TTC27: variants seen among roughly 807,000 people sequenced by gnomAD.
TTC27 encodes tetratricopeptide repeat protein 27.
Under a neutral mutation model 115.9 loss-of-function variants are expected in TTC27, and 79 were observed. That is an observed-to-expected ratio of 0.68 (90% confidence interval 0.57 to 0.82). The LOEUF is 0.82. Ranked by LOEUF, TTC27 falls within the 40% of genes least tolerant of loss-of-function variation. TTC27 has a pLI of 0.00. For missense variants in TTC27, 1,054 were observed against 993.1 expected (o/e 1.06, Z -0.82); for synonymous variants, 401 against 356.0 (o/e 1.13, Z -1.42).
chr2:32,714,652 T>A (rs188291514), intron 10 of TTC27, among the ~76,000 whole-genome samples: 12 of 152,264 alleles, frequency 7.9e-5, no homozygotes, highest in African/African-American at 2.9e-4. Flanking sequence ...TTTAAGTTCT[T>A]TGAGAAATTG....
chr2:32,665,133 C>T (rs1665724528), intron 6 of TTC27, among the ~76,000 whole-genome samples: 1 of 152,092 alleles, frequency 6.6e-6, no homozygotes, highest in South Asian at 2.1e-4. Flanking sequence ...AGGTGTGAGC[C>T]ACCACGCCCA....
intron 13 of TTC27, among the ~76,000 whole-genome samples, chr2:32,769,496 A>G (rs746905351): frequency 1.3e-5 from 2 of 152,212 alleles, no homozygotes; most frequent in Admixed American, 1.3e-4. Context: ...TCAGAGGGGC[A>G]GAAAAGTCAG....
chr2:32,662,423 T>C (rs1665583636), intron 5 of TTC27, among the ~76,000 whole-genome samples: 1 of 152,214 alleles, frequency 6.6e-6, no homozygotes, highest in Non-Finnish European at 1.5e-5. Context: ...TGGTAGGCTA[T>C]AAATTACTGC....
intron 13 of TTC27, among the ~76,000 whole-genome samples, chr2:32,762,336 A>C (rs1669470420): frequency 7.1e-6 from 1 of 141,414 alleles, no homozygotes; most frequent in African/African-American, 2.6e-5. Flanking sequence ...TGTTGGGGGA[A>C]CAGAGGTTTG....
rs74676996 is a variant in TTC27 at position 32,801,196 on chromosome 2, G to A, written c.1999-9828G>A. On this transcript the variant is annotated intron_variant, in intron 16 of 19. Coordinates refer to ENST00000317907, the MANE Select transcript of TTC27 (RefSeq NM_017735.5). ...TAGTCTTTCTGCTTAAAAATGCAAT[G>A]TTAGTTTTCTAGGGCTACAATAACA... Among the ~76,000 whole-genome samples, 1,404 of 152,266 alleles carry A rather than the reference G, an allele frequency of 9.2e-3. 12 individuals carry two copies. Among genetic ancestry groups the A allele is most frequent in the Middle Eastern group, 0.024 (7 of 294 alleles).
chr2:32,736,733 A>T lies in TTC27; in HGVS notation c.1369A>T (p.Ser457Cys). The change falls in exon 12 of 20, where the codon AGT becomes TGT. Residue 457 changes from serine (S) to cysteine (C), a missense_variant. Physicochemically the swap from Ser to Cys is moderately radical, Grantham distance 112. Transcript: ENST00000317907. ...ASLLFELGCT[S>C]SALQIFEKLE... ...TTTGCTCTTTGAGTTGGGATGTACC[A>T]GTTCAGCCCTTCAGATATTTGAAAA... 6.2e-7 allele frequency: 1 copy of T among 1,614,022 alleles called. No homozygotes were observed. The highest frequency in any genetic ancestry group is 8.5e-7 in the Non-Finnish European group (1 of 1,179,898).
intron 16 of TTC27, among the ~76,000 whole-genome samples, chr2:32,797,425 G>T (rs916854995): frequency 6.6e-6 from 1 of 152,138 alleles, no homozygotes; most frequent in Non-Finnish European, 1.5e-5. Context: ...CAGCCTGCCC[G>T]CCTCTGCTTC....
chr2:32,776,550 A>G (rs760009996), intron 13 of TTC27, among the ~76,000 whole-genome samples: 116 of 152,290 alleles, frequency 7.6e-4, no homozygotes, highest in Non-Finnish European at 1.5e-3. Context: ...AAAACAACTC[A>G]TAATAGCTGC....
At chr2:32,699,746 T>C (rs546151032) in intron 9 of TTC27, among the ~76,000 whole-genome samples, 3 of 152,346 alleles carry the variant, frequency 2.0e-5, no homozygotes, top group African/African-American at 7.2e-5. Context: ...ATAGACATCA[T>C]CACATTCTTC....
chr2:32,692,380 T>C (rs1456911072), intron 9 of TTC27, among the ~76,000 whole-genome samples: 3 of 151,946 alleles, frequency 2.0e-5, no homozygotes, highest in African/African-American at 7.3e-5. Context: ...CCAAAATTCA[T>C]AGAACCAAAA....
intron 13 of TTC27, among the ~76,000 whole-genome samples, chr2:32,768,204 C>T (rs1669705748): frequency 6.6e-6 from 1 of 151,950 alleles, no homozygotes; most frequent in African/African-American, 2.4e-5. Flanking sequence ...TTTTAATGTT[C>T]ACATAATCAG....
chr2:32,741,781 T>C (rs1228677033), intron 12 of TTC27, among the ~76,000 whole-genome samples: 1 of 152,190 alleles, frequency 6.6e-6, no homozygotes, highest in Non-Finnish European at 1.5e-5. Context: ...GATCACTCAA[T>C]AGTTATCTCA....
At chr2:32,791,974 C>G (rs1670553458) in intron 16 of TTC27, among the ~76,000 whole-genome samples, 1 of 152,212 alleles carries the variant, frequency 6.6e-6, no homozygotes, top group Non-Finnish European at 1.5e-5. Flanking sequence ...AGTTATGGAA[C>G]ATTTTCATTA....
chr2:32,683,107 G>A (rs1205343213), intron 9 of TTC27, among the ~76,000 whole-genome samples: 2 of 151,562 alleles, frequency 1.3e-5, no homozygotes, highest in Admixed American at 6.6e-5. Flanking sequence ...TACCTGCCTC[G>A]GCCTCCCAAA....
At chr2:32,634,077 C>A in intron 3 of TTC27, 72 bp downstream of exon 3, 1 of 1,490,832 alleles carries the variant, frequency 6.7e-7, no homozygotes. Flanking sequence ...TCTTTATAAA[C>A]TGGAACTCAT....
intron 6 of TTC27, among the ~76,000 whole-genome samples, chr2:32,665,093 C>T (rs1277007133): frequency 3.9e-5 from 6 of 152,068 alleles, no homozygotes; most frequent in African/African-American, 7.2e-5. Context: ...GTGATCCGCC[C>T]GCCTTGGCCT....
chr2:32,818,546 G>A (rs371617887), intron 19 of TTC27, among the ~76,000 whole-genome samples: 8 of 152,164 alleles, frequency 5.3e-5, no homozygotes, highest in Non-Finnish European at 4.4e-5. Flanking sequence ...ATCTGTGACC[G>A]ATGTAGATTC....
chr2:32,693,510 T>C (rs1420750755), intron 9 of TTC27, among the ~76,000 whole-genome samples: 3 of 152,192 alleles, frequency 2.0e-5, no homozygotes, highest in Non-Finnish European at 4.4e-5. Context: ...CAAGGAAATA[T>C]AAATCAACCA....
chr2:32,774,858 A>G (rs1334665141), intron 13 of TTC27, among the ~76,000 whole-genome samples: 1 of 152,240 alleles, frequency 6.6e-6, no homozygotes, highest in Admixed American at 6.5e-5. Context: ...TTGTCAGTAG[A>G]TAAAACCTAG....
Sources: allele counts gnomAD v4.1 joint callset (sites outside exome capture counted in the v4.1 genomes callset), GRCh38; gene constraint gnomAD v4.1.1; transcripts MANE v1.5; gene names NCBI Gene and HGNC (gene_info 2026-07-23, HGNC 2026-07-21).